WIPF2: variants seen among roughly 807,000 people sequenced by gnomAD.
The protein encoded by WIPF2 is WAS/WASL-interacting protein family member 2.
Under a neutral mutation model 38.8 loss-of-function variants are expected in WIPF2, and 23 were observed. The observed-to-expected ratio is 0.59, with a 90% CI of 0.43 to 0.84. The LOEUF (loss-of-function observed/expected upper bound fraction) is 0.84. Ranked by LOEUF, WIPF2 falls within the 40% of genes least tolerant of loss-of-function variation. WIPF2 has a pLI of 0.00. For synonymous variants in WIPF2, 210 were observed against 223.2 expected, an observed-to-expected ratio of 0.94 and a Z score of 0.53; for missense variants, 574 against 580.5, an observed-to-expected ratio of 0.99 and a Z score of 0.11.
chr17:40,240,909 C>T (rs1245189613), intron 1 of WIPF2, among the ~76,000 whole-genome samples: 1 of 147,768 alleles, frequency 6.8e-6, no homozygotes, highest in African/African-American at 2.5e-5. Context: ...AGCGCCACTG[C>T]ACTCCAGCCT....
At chr17:40,250,262 C>T (rs1213524914) in intron 1 of WIPF2, among the ~76,000 whole-genome samples, 1 of 109,778 alleles carries the variant, frequency 9.1e-6, no homozygotes, top group African/African-American at 3.7e-5. Flanking sequence ...CAAAGTCTCG[C>T]TCTGTCAACC....
chr17:40,272,619 C>T (rs1398414733), intron 5 of WIPF2, among the ~76,000 whole-genome samples: 1 of 151,982 alleles, frequency 6.6e-6, no homozygotes, highest in Non-Finnish European at 1.5e-5. Context: ...TTTGGGAAAG[C>T]CTTGAGAAGA....
chr17:40,234,434 AAC>A, intron 1 of WIPF2, among the ~76,000 whole-genome samples: 1 of 151,718 alleles, frequency 6.6e-6, no homozygotes, highest in African/African-American at 2.4e-5. Context: ...TCTGTCTCAA[AAC>A]AAACAAACAA....
In WIPF2 at chr17:40,265,039, C is replaced by T. The variant is rs2032042620; in HGVS notation, c.863C>T (p.Pro288Leu). 2 of 1,614,004 alleles carry T rather than the reference C, an allele frequency of 1.2e-6. No individual in the cohort carries two copies. Among genetic ancestry groups the T allele is most frequent in the African/African-American group, 2.7e-5 (2 of 74,908 alleles). ...QRHNSLHRKT[P>L]GPVRGLAPPP... ...CACAATTCTTTGCATAGGAAGACACCAGGGCCTGTCAGAGGCCTAGCACCT... is the reference window on the plus strand; with the variant it reads ...CACAATTCTTTGCATAGGAAGACACTAGGGCCTGTCAGAGGCCTAGCACCT... The change falls in exon 5 of 8, where the codon CCA becomes CTA. Residue 288 changes from proline to leucine, a missense_variant. By Grantham distance (98) the Pro-to-Leu change is moderately conservative. Transcript: ENST00000323571.
intron 1 of WIPF2, among the ~76,000 whole-genome samples, chr17:40,224,318 G>A (rs1260772056): frequency 7.2e-6 from 1 of 139,392 alleles, no homozygotes. Context: ...TGCAAGCTCC[G>A]CCTCCCAGGT....
At chr17:40,226,590 T>G (rs914648298) in intron 1 of WIPF2, among the ~76,000 whole-genome samples, 1 of 152,130 alleles carries the variant, frequency 6.6e-6, no homozygotes, top group Non-Finnish European at 1.5e-5. Context: ...GGACTTTTCC[T>G]TCTTCCATTC....
At chr17:40,275,422 TG>T (rs879682934) in intron 6 of WIPF2, among the ~76,000 whole-genome samples, 2 of 151,974 alleles carry the variant, frequency 1.3e-5, no homozygotes, top group Admixed American at 6.6e-5. Context: ...TTATAAATGT[TG>T]GGGGGGCTCT....
intron 1 of WIPF2, among the ~76,000 whole-genome samples, chr17:40,245,528 A>C (rs2031335358): frequency 6.6e-6 from 1 of 151,898 alleles, no homozygotes. Flanking sequence ...TTTTTAGTAG[A>C]GACAGGGTTT....
At chr17:40,244,411 C>T (rs1445647765) in intron 1 of WIPF2, among the ~76,000 whole-genome samples, 1 of 152,128 alleles carries the variant, frequency 6.6e-6, no homozygotes. Flanking sequence ...TCCTACCTCC[C>T]ATGCTGGATT....
intron 1 of WIPF2, among the ~76,000 whole-genome samples, chr17:40,237,239 T>C (rs2031007298): frequency 6.8e-6 from 1 of 147,962 alleles, no homozygotes; most frequent in Non-Finnish European, 1.5e-5. Flanking sequence ...ATTCAATTTT[T>C]CCTTTTTTTT....
intron 5 of WIPF2, among the ~76,000 whole-genome samples, chr17:40,270,918 G>A (rs1245151623): frequency 1.4e-5 from 2 of 143,420 alleles, no homozygotes; most frequent in African/African-American, 5.1e-5. Context: ...TTCTATTACT[G>A]TGTTACATGC....
At chr17:40,269,584 C>T (rs1370695059) in intron 5 of WIPF2, among the ~76,000 whole-genome samples, 1 of 147,866 alleles carries the variant, frequency 6.8e-6, no homozygotes, top group African/African-American at 2.5e-5. Context: ...TTTTTCTTTG[C>T]AGAGTAAAAC....
At chr17:40,238,460 T>C (rs1403408100) in intron 1 of WIPF2, among the ~76,000 whole-genome samples, 1 of 151,280 alleles carries the variant, frequency 6.6e-6, no homozygotes, top group African/African-American at 2.4e-5. Context: ...CCCGCCATCA[T>C]GCCCGGCTAA....
chr17:40,254,002 G>A (rs2031643370), intron 1 of WIPF2, among the ~76,000 whole-genome samples: 1 of 151,474 alleles, frequency 6.6e-6, no homozygotes, highest in African/African-American at 2.4e-5. Flanking sequence ...TTCCCAGTGG[G>A]CTGCCATGCT....
At chr17:40,234,114 A>T (rs961454260) in intron 1 of WIPF2, among the ~76,000 whole-genome samples, 1 of 152,182 alleles carries the variant, frequency 6.6e-6, no homozygotes, top group African/African-American at 2.4e-5. Context: ...CACGCCTGTA[A>T]TCCCAGCACT....
chr17:40,221,718 C>T (rs367995103), intron 1 of WIPF2, among the ~76,000 whole-genome samples: 6 of 6 alleles, frequency 1, 3 homozygotes, highest in Non-Finnish European at 1. Context: ...GTAACTGGTA[C>T]TATAGGCATG....
intron 1 of WIPF2, among the ~76,000 whole-genome samples, chr17:40,237,389 C>G (rs1311335667): frequency 6.6e-6 from 1 of 151,710 alleles, no homozygotes; most frequent in Non-Finnish European, 1.5e-5. Context: ...TACAGGCGTG[C>G]GCCACAACGC....
At chr17:40,260,837 C>G (rs771825899) in intron 3 of WIPF2, 170 bp downstream of exon 3, 4 of 901,702 alleles carry the variant, frequency 4.4e-6, no homozygotes, top group Middle Eastern at 2.3e-4. Context: ...CTTCTTGACT[C>G]TTGGAGAGCA....
rs996545133 is a variant in WIPF2, at chr17:40,255,612, A to G, written c.-69-779A>G. Among the ~76,000 whole-genome samples the G allele has an allele frequency of 2.0e-5, 3 of 148,510 alleles. No homozygotes were observed. In the East Asian group the frequency reaches 6.0e-4, roughly 30 times the overall value. On this transcript the variant is annotated intron_variant, in intron 1 of 7. Coordinates refer to ENST00000323571, the MANE Select transcript of WIPF2 (RefSeq NM_133264.5). ...AGTGCTGGGATTACAGGTGTGAGCC[A>G]CCGTGCCCGGCCTAAATTTTTTTTT...
Sources: allele counts gnomAD v4.1 joint callset (sites outside exome capture counted in the v4.1 genomes callset), GRCh38; gene constraint gnomAD v4.1.1; transcripts MANE v1.5; gene names NCBI Gene and HGNC (gene_info 2026-07-23, HGNC 2026-07-21).